The following COPB2 variants were observed in gnomAD, a reference collection of about 807,000 sequenced individuals.
COPB2 encodes coat protein complex I subunit beta 2, also known as coatomer subunit beta'.
A neutral mutation model predicts 120.8 loss-of-function variants in COPB2; 16 were observed. That is an observed-to-expected ratio of 0.13 (90% CI 0.09 to 0.20). The LOEUF is 0.20. Ranked by LOEUF, COPB2 falls within the 10% of genes least tolerant of loss-of-function variation. The pLI is 1.00. For synonymous variants in COPB2, 332 were observed against 366.3 expected, an observed-to-expected ratio of 0.91 and a Z score of 1.07; for missense variants, 794 against 1,076.5, an observed-to-expected ratio of 0.74 and a Z score of 3.67.
rs746330302 is a variant in COPB2 at position 139,367,127 on chromosome 3, C to T, written c.1564G>A (p.Glu522Lys). 6.2e-7 allele frequency: 1 copy of T among 1,613,552 alleles called. No homozygotes were observed. The highest frequency in any genetic ancestry group is 8.5e-7 in the Non-Finnish European group (1 of 1,179,846). ...ACCCAAAGCCCTGTTTTCACAATTT[C>T]CTGAATCTCACCAAGAACCTGCAGA... ...DAFEVLGEIQ[E>K]IVKTGLWVGD... Residue 522 changes from glutamate (E) to lysine (K), a missense_variant, in exon 14 of 22, where the codon GAA becomes AAA. Transcript: ENST00000333188.
intron 8 of COPB2, 87 bp from the exon 9 acceptor site, chr3:139,373,499 G>T: frequency 6.5e-7 from 1 of 1,527,120 alleles, no homozygotes; most frequent in East Asian, 2.3e-5. Context: ...ACCTAACAGA[G>T]AGCTCCATTT....
chr3:139,366,249 A>AT (rs36102615), intron 15 of COPB2, among the ~76,000 whole-genome samples: 11,631 of 151,706 alleles, frequency 0.077, 498 homozygotes, highest in Middle Eastern at 0.14. Context: ...TATTTTAATC[A>AT]TTTTTTTTTA....
At chr3:139,385,008 T>C (rs1461015176) in intron 1 of COPB2, 4 of 152,276 alleles carry the variant, frequency 2.6e-5, no homozygotes, top group South Asian at 4.1e-4. Flanking sequence ...ATTTACTTTT[T>C]TTCTTTTTGA....
In COPB2 at chr3:139,359,141, T is replaced by C. The variant is rs1235691076; in HGVS notation, c.2341A>G (p.Asn781Asp). Residue 781 changes from asparagine to aspartate, a missense_variant, in exon 19 of 22, where the codon AAT (asparagine) becomes GAT (aspartate). Transcript: ENST00000333188. ...GCAAGGGATTCTGCTGCTTTCTGAT[T>C]GACTTTTGAGAGATTCTCTCTCCAG... ...KLWRENLSKV[N>D]QKAAESLADP... The C allele has an allele frequency of 6.2e-7, 1 of 1,614,030 alleles. No individual in the cohort carries two copies. Among genetic ancestry groups the C allele is most frequent in the South Asian group, 1.1e-5 (1 of 91,036 alleles).
At position 139,375,600 on chromosome 3, in the gene COPB2, G is replaced by A. The variant is rs756847689; in HGVS notation, c.519C>T (p.Gly173=). The A allele has an allele frequency of 2.5e-6, 4 of 1,613,852 alleles. No homozygotes were observed. Among genetic ancestry groups the A allele is most frequent in the Non-Finnish European group, 3.4e-6 (4 of 1,179,844 alleles). Reference sequence around the variant, plus strand: ...CCAAAGTGAAGTTTGGTGACGAAGAGCCCAACTGCCACACCTGCAGAGAGA... The same window carrying A: ...CCAAAGTGAAGTTTGGTGACGAAGAACCCAACTGCCACACCTGCAGAGAGA... ...LDRTIKVWQL[G]SSSPNFTLEG... is the part of the protein sequence containing the mutation. Residue 173 remains glycine, a synonymous_variant, in exon 6 of 22, where the codon GGC becomes GGT. Transcript: ENST00000333188.
intron 10 of COPB2, 128 bp downstream of exon 10, chr3:139,371,595 G>A (rs1284359667): frequency 1.4e-6 from 1 of 695,934 alleles, no homozygotes; most frequent in Non-Finnish European, 2.4e-6. Flanking sequence ...TCTTCCAATG[G>A]ACAGCTCTGG....
At chr3:139,378,248 GAC>G (rs1258242486) in intron 4 of COPB2, 59 bp from the exon 5 acceptor site, 6 of 1,447,676 alleles carry the variant, frequency 4.1e-6, no homozygotes, top group Admixed American at 1.8e-5. Context: ...TCATAACTAA[GAC>G]ACAGTCTTTA....
At chr3:139,388,283 G>C (rs528438975) in intron 1 of COPB2, 22 of 152,048 alleles carry the variant, frequency 1.4e-4, no homozygotes, top group African/African-American at 4.3e-4. Flanking sequence ...GATAGTGCTA[G>C]CTTCGGCAGC....
Position 139,361,207 on chromosome 3 carries a change from T to C in COPB2, c.2084A>G (p.Asp695Gly). 6.2e-7 allele frequency: 1 copy of C among 1,614,198 alleles called. No individual in the cohort carries two copies. The highest frequency in any genetic ancestry group is 8.5e-7 in the Non-Finnish European group (1 of 1,180,024). Residue 695 changes from aspartate (D) to glycine (G), a missense_variant, in exon 17 of 22, where the codon GAT becomes GGT. Coordinates refer to ENST00000333188, the MANE Select transcript of COPB2 (RefSeq NM_004766.3). ...LAQECLHHAQ[D>G]YGGLLLLATA... ...GGCCAAAAGCAGCAGGCCCCCATAA[T>C]CCTGTGCATGATGCAGGCACTCCTG...
rs1941318725 is a variant in COPB2 at position 139,357,811 on chromosome 3, T to C, written c.*52A>G. 2 of 971,138 alleles carry C rather than the reference T, an allele frequency of 2.1e-6. No homozygotes were observed. The highest frequency in any genetic ancestry group is 4.9e-5 in the Admixed American group (2 of 40,638). The allele number at this position is 971,138 out of a possible 1,614,324, so 60.2% of individuals were successfully genotyped here. A position where few individuals can be genotyped will look rare whatever the true frequency, so the allele number is the denominator to read the frequency against. ...GCACTGTGGTCAGGGTAGCAATCAATACCTATATATAATAATGATCTGTTT... is the reference window on the plus strand; with the variant it reads ...GCACTGTGGTCAGGGTAGCAATCAACACCTATATATAATAATGATCTGTTT... On this transcript the variant is annotated 3_prime_UTR_variant, in exon 22 of 22. Coordinates refer to ENST00000333188, the MANE Select transcript of COPB2 (RefSeq NM_004766.3).
chr3:139,367,887 A>G (rs1941547771), intron 13 of COPB2, among the ~76,000 whole-genome samples: 1 of 152,244 alleles, frequency 6.6e-6, no homozygotes, highest in Non-Finnish European at 1.5e-5. Context: ...CAAAACAACT[A>G]TAATTTCTTT....
At chr3:139,367,679 A>T (rs1420780618) in intron 13 of COPB2, among the ~76,000 whole-genome samples, 1 of 152,174 alleles carries the variant, frequency 6.6e-6, no homozygotes, top group Admixed American at 6.5e-5. Flanking sequence ...CACAGAACAG[A>T]TTCCTAGATT....
chr3:139,375,441 T>C, intron 6 of COPB2, 27 bp downstream of exon 6: 3 of 1,598,468 alleles, frequency 1.9e-6, no homozygotes, highest in African/African-American at 1.3e-5. Context: ...ATCTAACATA[T>C]GGAAGTAAGG....
chr3:139,357,799 G>A lies in COPB2; in HGVS notation c.*64C>T, dbSNP rs1204026593. 3.6e-6 allele frequency: 3 copies of A among 838,448 alleles called. No individual in the cohort carries two copies. The highest frequency in any genetic ancestry group is 3.7e-6 in the Non-Finnish European group (2 of 538,654). The allele number at this position is 838,448 out of a possible 1,614,324, so 51.9% of individuals were successfully genotyped here. A position where few individuals can be genotyped will look rare whatever the true frequency, so the allele number is the denominator to read the frequency against. On this transcript the variant is annotated 3_prime_UTR_variant, in exon 22 of 22. Transcript: ENST00000333188. Reference sequence around the variant, plus strand: ...TCATAGTCCAAAGCACTGTGGTCAGGGTAGCAATCAATACCTATATATAAT... The same window carrying A: ...TCATAGTCCAAAGCACTGTGGTCAGAGTAGCAATCAATACCTATATATAAT...
intron 17 of COPB2, among the ~76,000 whole-genome samples, chr3:139,360,517 CAAAAA>C (rs11439096): frequency 8.3e-4 from 73 of 88,394 alleles, no homozygotes; most frequent in Admixed American, 1.3e-3. Context: ...GATTCCATCT[CAAAAA>C]AAAAAAAAAA....
chr3:139,386,111 A>C (rs1444233047), intron 1 of COPB2, among the ~76,000 whole-genome samples: 1 of 152,130 alleles, frequency 6.6e-6, no homozygotes, highest in Non-Finnish European at 1.5e-5. Context: ...TGACTACTTC[A>C]AGTCTTGTTC....
chr3:139,375,701 A>G, intron 5 of COPB2, 87 bp from the exon 6 acceptor site: 1 of 1,428,008 alleles, frequency 7.0e-7, no homozygotes, highest in Non-Finnish European at 9.4e-7. Context: ...CATTATGTAA[A>G]ATGCCAAAGC....
chr3:139,389,407 A>AAT (rs1553779153), intron 1 of COPB2, 141 bp downstream of exon 1: 48 of 820,780 alleles, frequency 5.8e-5, no homozygotes, highest in Non-Finnish European at 7.5e-5. Context: ...CTGGAATCAA[A>AAT]CGACCAAGAC....
At chr3:139,372,854 G>A (rs566560712) in intron 9 of COPB2, among the ~76,000 whole-genome samples, 2 of 152,326 alleles carry the variant, frequency 1.3e-5, no homozygotes, top group Admixed American at 1.3e-4. Flanking sequence ...AAAGAGCAAT[G>A]AGTCAGCAAG....
Sources: gnomAD v4.1 joint callset for allele counts (sites outside exome capture counted in the v4.1 genomes callset) on GRCh38, gnomAD v4.1.1 for gene constraint, MANE v1.5 for transcripts, NCBI Gene and HGNC (gene_info 2026-07-23, HGNC 2026-07-21) for gene names.